Variants in LRRC4C observed in about 807,000 individuals in gnomAD.
The protein encoded by LRRC4C is leucine rich repeat containing 4C.
A neutral mutation model predicts 33.6 loss-of-function variants in LRRC4C; 5 were observed. The observed-to-expected ratio is 0.15, with a 90% confidence interval of 0.08 to 0.31. The LOEUF (loss-of-function observed/expected upper bound fraction) is 0.31, where lower values mean the gene tolerates loss of function less well. Ranked by LOEUF, LRRC4C falls within the 10% of genes least tolerant of loss-of-function variation. LRRC4C has a pLI of 1.00. For missense variants in LRRC4C, 560 were observed against 796.7 expected, an observed-to-expected ratio of 0.70 and a Z score of 3.58; for synonymous variants, 329 against 302.0, an observed-to-expected ratio of 1.09 and a Z score of -0.93.
At position 40,474,356 on chromosome 11, in the gene LRRC4C, T is replaced by C. The variant is rs1442096861; in HGVS notation, c.-269-154635A>G. 3.3e-5 allele frequency among the ~76,000 whole-genome samples: 5 copies of C among 152,104 alleles called. No homozygotes were observed. In the East Asian group the frequency reaches 9.6e-4, roughly 29 times the overall value. ...AAAAGATTCCCTATTTAATAAATGGTGCTGGGAAAACTGGCTAGCCATATG... is the reference window on the plus strand; with the variant it reads ...AAAAGATTCCCTATTTAATAAATGGCGCTGGGAAAACTGGCTAGCCATATG... On this transcript the variant is annotated intron_variant, in intron 3 of 6. Transcript: ENST00000528697.
chr11:40,815,373 G>A (rs1565094463), intron 2 of LRRC4C, among the ~76,000 whole-genome samples: 1 of 152,048 alleles, frequency 6.6e-6, no homozygotes, highest in Non-Finnish European at 1.5e-5. Flanking sequence ...GGGGATTATG[G>A]GAGCTACAAT....
chr11:40,706,708 C>T lies in LRRC4C; in HGVS notation c.-406-58430G>A, dbSNP rs565211777. The stretch of plus-strand genomic sequence containing the variant: ...GTCAATGCAGGCTCTTTTTTGATTC[C>T]ATATGAACTTTAAGGTAGTTTTTCT... On this transcript the variant is annotated intron_variant, in intron 2 of 6. Transcript: ENST00000528697. Among the ~76,000 whole-genome samples, 13 of 152,192 alleles carry T rather than the reference C, an allele frequency of 8.5e-5. No homozygotes were observed. In the South Asian group the frequency reaches 2.7e-3, roughly 32 times the overall value.
At chr11:41,446,056 A>G (rs114783406) in intron 1 of LRRC4C, among the ~76,000 whole-genome samples, 1,951 of 152,328 alleles carry the variant, frequency 0.013, 48 homozygotes, top group African/African-American at 0.045. Context: ...CTCAATAATA[A>G]CGTTAAAACA....
At chr11:40,693,167 G>C (rs908206672) in intron 2 of LRRC4C, among the ~76,000 whole-genome samples, 2 of 152,038 alleles carry the variant, frequency 1.3e-5, no homozygotes, top group African/African-American at 2.4e-5. Flanking sequence ...TAAAAGAAAA[G>C]TTGGTTGTGT....
chr11:41,174,693 A>G (rs1372399063), intron 1 of LRRC4C, among the ~76,000 whole-genome samples: 2 of 152,044 alleles, frequency 1.3e-5, no homozygotes, highest in African/African-American at 4.8e-5. Flanking sequence ...GATCTCATCT[A>G]CAATTTTGGT....
chr11:41,355,609 C>T (rs1222569237), intron 1 of LRRC4C, among the ~76,000 whole-genome samples: 1 of 151,942 alleles, frequency 6.6e-6, no homozygotes, highest in African/African-American at 2.4e-5. Context: ...CTATTTTTGT[C>T]CTTCCAAAGC....
chr11:40,906,920 A>C (rs1232620808), intron 2 of LRRC4C, among the ~76,000 whole-genome samples: 1 of 152,220 alleles, frequency 6.6e-6, no homozygotes, highest in Non-Finnish European at 1.5e-5. Context: ...AATAGCTTAT[A>C]ATTATACAAG....
intron 3 of LRRC4C, among the ~76,000 whole-genome samples, chr11:40,383,481 G>A (rs1308724883): frequency 6.6e-6 from 1 of 152,100 alleles, no homozygotes; most frequent in Non-Finnish European, 1.5e-5. Flanking sequence ...TACCAACAGA[G>A]TATAAGGGTT....
chr11:41,349,427 C>T (rs1182639463), intron 1 of LRRC4C, among the ~76,000 whole-genome samples: 1 of 151,888 alleles, frequency 6.6e-6, no homozygotes, highest in Non-Finnish European at 1.5e-5. Flanking sequence ...TCCAGTGCAG[C>T]ATATGCTTAA....
At chr11:40,168,496 G>T (rs11035723) in intron 5 of LRRC4C, among the ~76,000 whole-genome samples, 1 of 152,158 alleles carries the variant, frequency 6.6e-6, no homozygotes, top group South Asian at 2.1e-4. Flanking sequence ...TTAAATAGAA[G>T]AAAAGAAACC....
At chr11:40,554,507 T>C (rs1251872627) in intron 3 of LRRC4C, among the ~76,000 whole-genome samples, 1 of 152,172 alleles carries the variant, frequency 6.6e-6, no homozygotes, top group Admixed American at 6.5e-5. Context: ...AAAATGATGT[T>C]GTGATTTGAT....
intron 1 of LRRC4C, among the ~76,000 whole-genome samples, chr11:41,141,592 G>A (rs904724425): frequency 6.6e-5 from 10 of 151,936 alleles, no homozygotes; most frequent in South Asian, 2.1e-4. Flanking sequence ...TCGTGGGAGC[G>A]GTTTCTTCCA....
At chr11:41,043,476 T>C (rs1177774355) in intron 1 of LRRC4C, among the ~76,000 whole-genome samples, 1 of 152,004 alleles carries the variant, frequency 6.6e-6, no homozygotes, top group Non-Finnish European at 1.5e-5. Context: ...TAAAAGGAAG[T>C]TTGTATCAAG....
At chr11:40,753,448 T>C (rs1365912022) in intron 2 of LRRC4C, among the ~76,000 whole-genome samples, 4 of 151,374 alleles carry the variant, frequency 2.6e-5, no homozygotes, top group African/African-American at 9.7e-5. Flanking sequence ...AAAAAACCAA[T>C]ATATGCTTAT....
chr11:40,603,518 A>C (rs918804995), intron 3 of LRRC4C, among the ~76,000 whole-genome samples: 4 of 152,234 alleles, frequency 2.6e-5, no homozygotes, highest in Non-Finnish European at 4.4e-5. Flanking sequence ...TGAAAAAAGC[A>C]AAGTTCATGT....
At chr11:40,265,893 A>G (rs1281519277) in intron 4 of LRRC4C, among the ~76,000 whole-genome samples, 1 of 152,264 alleles carries the variant, frequency 6.6e-6, no homozygotes, top group East Asian at 1.9e-4. Flanking sequence ...AGAAGGAAGA[A>G]TTTGACAGAT....
At chr11:41,179,901 A>T (rs1002006726) in intron 1 of LRRC4C, among the ~76,000 whole-genome samples, 1 of 152,126 alleles carries the variant, frequency 6.6e-6, no homozygotes, top group African/African-American at 2.4e-5. Flanking sequence ...CCACCTAGAC[A>T]TCAGGGTCAA....
At chr11:41,118,411 C>T (rs1745647909) in intron 1 of LRRC4C, among the ~76,000 whole-genome samples, 2 of 152,110 alleles carry the variant, frequency 1.3e-5, no homozygotes, top group Admixed American at 1.3e-4. Flanking sequence ...AAGGTGGGAG[C>T]TAGAATCAAA....
At chr11:40,581,989 G>A (rs1958489513) in intron 3 of LRRC4C, among the ~76,000 whole-genome samples, 1 of 152,038 alleles carries the variant, frequency 6.6e-6, no homozygotes, top group Admixed American at 6.5e-5. Context: ...TATACAGTAA[G>A]AAAGCCAAGA....
Sources: gnomAD v4.1 joint callset for allele counts (sites outside exome capture counted in the v4.1 genomes callset) on GRCh38, gnomAD v4.1.1 for gene constraint, MANE v1.5 for transcripts, NCBI Gene and HGNC (gene_info 2026-07-23, HGNC 2026-07-21) for gene names.